Variants in SBNO2 observed in about 807,000 individuals in gnomAD.
SBNO2 encodes the protein protein strawberry notch homolog 2.
A neutral mutation model predicts 146.3 loss-of-function variants in SBNO2; 89 were observed. That is an observed-to-expected ratio of 0.61 (90% CI 0.51 to 0.73). The LOEUF is 0.73. Among genes scored for constraint, SBNO2 ranks in the 30% least tolerant of loss-of-function variants. The pLI, the probability that SBNO2 is intolerant of heterozygous loss-of-function variation, is 0.00. For synonymous variants in SBNO2, 1,147 were observed against 892.6 expected (o/e 1.29, Z -5.08); for missense variants, 2,092 against 2,003.7 (o/e 1.04, Z -0.84).
intron 4 of SBNO2, among the ~76,000 whole-genome samples, chr19:1,142,236 C>T (rs2080147367): frequency 5.8e-4 from 1 of 1,724 alleles, no homozygotes; most frequent in Admixed American, 0.011. Flanking sequence ...TCAATGACCT[C>T]CCTCACGATC....
At chr19:1,161,742 GTTAT>G (rs991089171) in intron 1 of SBNO2, among the ~76,000 whole-genome samples, 1 of 152,008 alleles carries the variant, frequency 6.6e-6, no homozygotes, top group Admixed American at 6.5e-5. Context: ...TGCTGCCAAG[GTTAT>G]CAGAACTGCG....
intron 1 of SBNO2, among the ~76,000 whole-genome samples, chr19:1,167,469 CCT>C (rs1340273151): frequency 6.6e-6 from 1 of 152,224 alleles, no homozygotes; most frequent in Non-Finnish European, 1.5e-5. Flanking sequence ...GATTCTGCTC[CCT>C]GTGGCCACTG....
Position 1,108,406 on chromosome 19 carries a change from G to C in SBNO2, c.3915C>G (p.His1305Gln). Reference sequence around the variant, plus strand: ...CCTTGAAGTTGATGTCGCAGCCCTGGTGCGCGAGGGCCGCAGGGTCGGCCT... The same window carrying C: ...CCTTGAAGTTGATGTCGCAGCCCTGCTGCGCGAGGGCCGCAGGGTCGGCCT... ...DAQADPAALA[H>Q]QGCDINFKEV... is the part of the protein sequence containing the mutation. The change falls in exon 32 of 32, where the codon CAC becomes CAG. Residue 1305 changes from histidine to glutamine, a missense_variant. His to Gln is a conservative substitution (Grantham distance 24, BLOSUM62 0). Coordinates refer to ENST00000361757, the MANE Select transcript of SBNO2 (RefSeq NM_014963.3). 7.8e-7 allele frequency: 1 copy of C among 1,277,980 alleles called. No homozygotes were observed. The highest frequency in any genetic ancestry group is 9.9e-7 in the Non-Finnish European group (1 of 1,006,832). 79.2% of individuals were successfully genotyped at this position (1,277,980 alleles called of 1,614,324 possible).
chr19:1,147,431 A>ACGGGGGG lies in SBNO2; in HGVS notation c.168-12_168-11insCCCCCCG, dbSNP rs778909029. 4 of 591,846 alleles carry ACGGGGGG rather than the reference A, an allele frequency of 6.8e-6. No individual in the cohort carries two copies. Among genetic ancestry groups the ACGGGGGG allele is most frequent in the African/African-American group, 5.5e-5 (2 of 36,490 alleles). The allele number at this position is 591,846 out of a possible 1,614,324, so 36.7% of individuals were successfully genotyped here. ...GAGCTCATGAACGGGCTGGAGGGAGATGGGGGGGGGGGAGGTGAGATGGGG... is the reference window on the plus strand; with the variant it reads ...GAGCTCATGAACGGGCTGGAGGGAGACGGGGGGTGGGGGGGGGGGAGGTGAGATGGGG... On this transcript the variant is annotated splice_polypyrimidine_tract_variant and intron_variant, in intron 3 of 31. Coordinates refer to ENST00000361757, the MANE Select transcript of SBNO2 (RefSeq NM_014963.3).
chr19:1,159,018 C>T (rs2080318652), intron 1 of SBNO2, among the ~76,000 whole-genome samples: 1 of 147,850 alleles, frequency 6.8e-6, no homozygotes, highest in Non-Finnish European at 1.5e-5. Flanking sequence ...CGCGACCCCA[C>T]CTGCAGCCAT....
Position 1,122,619 on chromosome 19 carries a change from CACCCCCGCTCCCGCCCCCT to C in SBNO2, c.914+20_914+38del. The stretch of plus-strand genomic sequence containing the variant: ...CCCCTCGCCCCCCGCTTCCGCCCCC[CACCCCCGCTCCCGCCCCCT>C]GCCCCAGGCAGGGCCTCACCACAAT... On this transcript the variant is annotated intron_variant, in intron 9 of 31. Transcript: ENST00000361757. The C allele has an allele frequency of 6.6e-7, 1 of 1,504,182 alleles. No individual in the cohort carries two copies. Among genetic ancestry groups the C allele is most frequent in the South Asian group, 1.2e-5 (1 of 82,404 alleles). The allele number at this position is 1,504,182 out of a possible 1,614,324, so 93.2% of individuals were successfully genotyped here.
At chr19:1,124,132 C>T in intron 5 of SBNO2, 110 bp from the exon 6 acceptor site, 3 of 998,476 alleles carry the variant, frequency 3.0e-6, no homozygotes, top group East Asian at 5.2e-5. Context: ...GTCCTCGCCT[C>T]CCCATCCTCG....
rs1313961271 is a variant in SBNO2, at chr19:1,140,163, G to C, written c.279+7146C>G. On this transcript the variant is annotated intron_variant, in intron 4 of 31. Coordinates refer to ENST00000361757, the MANE Select transcript of SBNO2 (RefSeq NM_014963.3). The surrounding 1 kb of genome is among the most constrained non-coding windows in gnomAD (Gnocchi z 4.4). ...AAAACACAAAAAATTAGCTGGGCGT[G>C]GTGGTGGGCACCTGTAGTCCCAGCT... is the stretch of plus-strand genomic sequence containing the variant. Among the ~76,000 whole-genome samples the C allele has an allele frequency of 6.6e-6, 1 of 151,912 alleles. No homozygotes were observed. Among genetic ancestry groups the C allele is most frequent in the African/African-American group, 2.4e-5 (1 of 41,370 alleles).
At position 1,123,625 on chromosome 19, in the gene SBNO2, C is replaced by G; in HGVS notation, c.537G>C (p.Gln179His). Residue 179 changes from glutamine (Q) to histidine (H), a missense_variant, in exon 7 of 32, where the codon CAG becomes CAC. By Grantham distance (24) the Gln-to-His change is conservative. Transcript: ENST00000361757. Reference sequence around the variant, plus strand: ...CCTCGTCCTCCTCCTCTGGCTGGCTCTGCACACTCTGCTCCTGCGTGCGTG... The same window carrying G: ...CCTCGTCCTCCTCCTCTGGCTGGCTGTGCACACTCTGCTCCTGCGTGCGTG... ...LLVSYQEQSV[Q>H]SQPEEEDEAE... The G allele has an allele frequency of 6.2e-7, 1 of 1,612,590 alleles. No individual in the cohort carries two copies. Among genetic ancestry groups the G allele is most frequent in the Admixed American group, 1.7e-5 (1 of 59,906 alleles).
At chr19:1,151,330 G>A (rs1041536002) in intron 2 of SBNO2, among the ~76,000 whole-genome samples, 13 of 152,212 alleles carry the variant, frequency 8.5e-5, no homozygotes, top group South Asian at 4.1e-4. Context: ...CAGGGCGGGA[G>A]GATCCAGGGG....
chr19:1,124,260 T>G (rs1346643480), intron 5 of SBNO2, among the ~76,000 whole-genome samples: 3 of 152,206 alleles, frequency 2.0e-5, no homozygotes, highest in Non-Finnish European at 4.4e-5. Context: ...GGCCAGCACC[T>G]GGCTGCCTTC....
At chr19:1,156,990 T>G (rs1007942628) in intron 1 of SBNO2, among the ~76,000 whole-genome samples, 3 of 71,142 alleles carry the variant, frequency 4.2e-5, no homozygotes, top group African/African-American at 1.0e-4. Flanking sequence ...AGCCCTGCCT[T>G]TCCGCCCACT....
rs746330951 is a variant in SBNO2 at position 1,112,523 on chromosome 19, G to A, written c.2394C>T (p.Ile798=). ...FMSGEKLVAI[I]SEASSSGVSL... ...AGACACCCGAGCTGGAGGCCTCCGA[G>A]ATGATGGCCACGAGCTAGGGGGAAA... is the stretch of plus-strand genomic sequence containing the variant. Residue 798 remains isoleucine, a synonymous_variant, in exon 21 of 32, where the codon ATC becomes ATT. Coordinates refer to ENST00000361757, the MANE Select transcript of SBNO2 (RefSeq NM_014963.3). This position sits in a 1 kb window ranked among gnomAD's most constrained non-coding sequence, Gnocchi z 5.9. 2.5e-6 allele frequency: 4 copies of A among 1,603,078 alleles called. No homozygotes were observed. The highest frequency in any genetic ancestry group is 3.4e-6 in the Non-Finnish European group (4 of 1,177,736).
Position 1,122,756 on chromosome 19 carries a change from C to G in SBNO2, c.816G>C (p.Ala272=). Residue 272 remains alanine, a synonymous_variant, in exon 9 of 32, where the codon GCG becomes GCC. Coordinates refer to ENST00000361757, the MANE Select transcript of SBNO2 (RefSeq NM_014963.3). ...HEVLLPSGQR[A]GFLIGDGAGV... ...CGGCCCCATCGCCGATGAGAAAGCC[C>G]GCGCGCTGCCCGCTGGGGAGCAGGA... The G allele has an allele frequency of 6.5e-7, 1 of 1,537,510 alleles. No homozygotes were observed. The highest frequency in any genetic ancestry group is 8.7e-7 in the Non-Finnish European group (1 of 1,146,522).
rs971997119 is a variant in SBNO2 at position 1,123,132 on chromosome 19, C to T, written c.629-87G>A. The T allele has an allele frequency of 1.9e-5, 28 of 1,470,472 alleles. No individual in the cohort carries two copies. The East Asian group carries it at 4.6e-4, about 24-fold the overall frequency. The allele number at this position is 1,470,472 out of a possible 1,614,324, so 91.1% of individuals were successfully genotyped here. A position where few individuals can be genotyped will look rare whatever the true frequency, so the allele number is the denominator to read the frequency against. On this transcript the variant is annotated intron_variant, in intron 7 of 31. Transcript: ENST00000361757. ...TATGGCACGCTGGGCGGGTCTGGGGCGTGGCCAGAGCTGGCGGGGCAGTTT... is the reference window on the plus strand; with the variant it reads ...TATGGCACGCTGGGCGGGTCTGGGGTGTGGCCAGAGCTGGCGGGGCAGTTT...
intron 24 of SBNO2, 34 bp from the exon 25 acceptor site, chr19:1,111,127 C>T (rs1008234110): frequency 1.6e-5 from 25 of 1,533,650 alleles, no homozygotes; most frequent in Non-Finnish European, 2.0e-5. Context: ...GCTGGTCTTC[C>T]CACCCCTGCC....
intron 1 of SBNO2, among the ~76,000 whole-genome samples, chr19:1,170,384 C>G (rs1166902497): frequency 6.6e-6 from 1 of 152,168 alleles, no homozygotes. Flanking sequence ...CGGCCAACCT[C>G]CCGGGGGTTG....
chr19:1,147,508 G>T, intron 3 of SBNO2, 88 bp from the exon 4 acceptor site: 1 of 668,296 alleles, frequency 1.5e-6, no homozygotes, highest in Non-Finnish European at 2.4e-6. Context: ...GCCGCAGCCA[G>T]AGGCCCCTCG....
intron 9 of SBNO2, 45 bp from the exon 10 acceptor site, chr19:1,122,603 C>CA: frequency 6.8e-7 from 1 of 1,481,402 alleles, no homozygotes; most frequent in Admixed American, 2.1e-5. Context: ...CCCCCTCGCC[C>CA]CCCGCTTCCG....
Sources: gnomAD v4.1 joint callset for allele counts (sites outside exome capture counted in the v4.1 genomes callset) on GRCh38, gnomAD v4.1.1 for gene constraint, Gnocchi (gnomAD v3.1) non-coding constraint, MANE v1.5 for transcripts, NCBI Gene and HGNC (gene_info 2026-07-23, HGNC 2026-07-21) for gene names.